The following KALRN variants were observed in gnomAD, a reference collection of about 807,000 sequenced individuals.
KALRN encodes kalirin RhoGEF kinase.
In KALRN, 70 loss-of-function variants were observed where a neutral mutation model predicts 353.7. That is an observed-to-expected ratio of 0.20 (90% confidence interval 0.16 to 0.24). The LOEUF (loss-of-function observed/expected upper bound fraction) is 0.24. KALRN is among the 10% of genes least tolerant of loss of function. The pLI, the probability that KALRN is intolerant of heterozygous loss-of-function variation, is 1.00. For synonymous variants in KALRN, 1,391 were observed against 1,434.8 expected (o/e 0.97, Z 0.69); for missense variants, 2,791 against 3,756.7 (o/e 0.74, Z 6.72).
intron 15 of KALRN, among the ~76,000 whole-genome samples, chr3:124,425,976 C>CA (rs2092998138): frequency 6.6e-6 from 1 of 152,116 alleles, no homozygotes; most frequent in Non-Finnish European, 1.5e-5. Flanking sequence ...TCTACCATGA[C>CA]AAAAATGACA....
chr3:124,221,731 G>A (rs1192057107), intron 1 of KALRN, among the ~76,000 whole-genome samples: 1 of 152,176 alleles, frequency 6.6e-6, no homozygotes, highest in Non-Finnish European at 1.5e-5. Flanking sequence ...AGATATAGTG[G>A]ATACAGGATG....
chr3:124,099,007 A>G (rs2061649619), intron 1 of KALRN, among the ~76,000 whole-genome samples: 2 of 152,322 alleles, frequency 1.3e-5, no homozygotes, highest in Non-Finnish European at 2.9e-5. Flanking sequence ...AATCGTACAT[A>G]TTTACGGGTA....
intron 28 of KALRN, among the ~76,000 whole-genome samples, chr3:124,486,252 AG>A (rs1209594954): frequency 6.7e-6 from 1 of 149,140 alleles, no homozygotes. Flanking sequence ...TGTTTTGGGC[AG>A]GGGGGGATTA....
chr3:124,300,113 G>C (rs749733020), intron 6 of KALRN, among the ~76,000 whole-genome samples: 1 of 152,120 alleles, frequency 6.6e-6, no homozygotes, highest in African/African-American at 2.4e-5. Context: ...TGTCTACCAG[G>C]CTCTTTTAAA....
intron 1 of KALRN, among the ~76,000 whole-genome samples, chr3:124,123,083 C>A (rs534469570): frequency 6.6e-6 from 1 of 152,034 alleles, no homozygotes; most frequent in East Asian, 1.9e-4. Flanking sequence ...TGCCTGTAAT[C>A]CCAGGTACTC....
At chr3:124,438,348 G>A (rs1300686399) in intron 17 of KALRN, among the ~76,000 whole-genome samples, 6 of 152,154 alleles carry the variant, frequency 3.9e-5, no homozygotes, top group Non-Finnish European at 8.8e-5. Context: ...TAGAGGTTCT[G>A]GAGATGTCAT....
chr3:124,516,807 T>G (rs1350280464), intron 33 of KALRN, among the ~76,000 whole-genome samples: 1 of 151,912 alleles, frequency 6.6e-6, no homozygotes, highest in Non-Finnish European at 1.5e-5. Flanking sequence ...TTTTTTTCTT[T>G]TTAATTATAT....
Position 124,603,112 on chromosome 3 carries a change from G to A in KALRN, c.5183-29308G>A, listed in dbSNP as rs181586798. Reference sequence around the variant, plus strand: ...TATTTGCATATGTAAACCCTCTGCCGCCAAAGCTCTTAACACAAGCATTGC... The same window carrying A: ...TATTTGCATATGTAAACCCTCTGCCACCAAAGCTCTTAACACAAGCATTGC... On this transcript the variant is annotated intron_variant, in intron 34 of 59. Coordinates refer to ENST00000682506, the MANE Select transcript of KALRN (RefSeq NM_001388419.1). 1.3e-4 allele frequency among the ~76,000 whole-genome samples: 20 copies of A among 152,152 alleles called. No homozygotes were observed. In the East Asian group the frequency reaches 1.3e-3, roughly 10 times the overall value.
chr3:124,387,691 C>G (rs72978455), intron 11 of KALRN, among the ~76,000 whole-genome samples: 86 of 152,284 alleles, frequency 5.6e-4, no homozygotes, highest in African/African-American at 2.0e-3. Context: ...TCTTTCTCCT[C>G]AGTCCCAAAA....
intron 9 of KALRN, among the ~76,000 whole-genome samples, chr3:124,342,421 T>A (rs1007222176): frequency 6.6e-6 from 1 of 152,232 alleles, no homozygotes; most frequent in African/African-American, 2.4e-5. Context: ...TTTGTCTTTC[T>A]GTACTTGACT....
chr3:124,477,668 C>T (rs1368173200), intron 27 of KALRN, among the ~76,000 whole-genome samples: 1 of 152,158 alleles, frequency 6.6e-6, no homozygotes, highest in African/African-American at 2.4e-5. Context: ...ACAGCTCTCA[C>T]AAATGTAGTG....
chr3:124,418,816 G>T (rs1434882740), intron 14 of KALRN, among the ~76,000 whole-genome samples: 1 of 152,164 alleles, frequency 6.6e-6, no homozygotes, highest in East Asian at 1.9e-4. Flanking sequence ...TTTTCCAGTG[G>T]TTCATAATCT....
chr3:124,541,121 A>G (rs1417333406), intron 33 of KALRN, among the ~76,000 whole-genome samples: 1 of 152,132 alleles, frequency 6.6e-6, no homozygotes, highest in Non-Finnish European at 1.5e-5. Context: ...AGAATTCATG[A>G]AGGTTTTTGT....
At chr3:124,484,248 G>A (rs1000564376) in intron 28 of KALRN, among the ~76,000 whole-genome samples, 1 of 152,208 alleles carries the variant, frequency 6.6e-6, no homozygotes, top group Non-Finnish European at 1.5e-5. Context: ...ACTATGAGAG[G>A]CGTGAGGGCA....
chr3:124,261,624 G>A (rs143580586), intron 3 of KALRN, among the ~76,000 whole-genome samples: 84 of 152,292 alleles, frequency 5.5e-4, no homozygotes, highest in Admixed American at 1.1e-3. Flanking sequence ...GGCATAACCT[G>A]CTACTGACCA....
At chr3:124,070,988 CT>C (rs1368837476) in intron 1 of KALRN, among the ~76,000 whole-genome samples, 1 of 20,930 alleles carries the variant, frequency 4.8e-5, no homozygotes, top group Non-Finnish European at 6.9e-4. Flanking sequence ...CTCCCTTCCA[CT>C]GTCTTTTTTT....
chr3:124,613,097 G>C (rs1196178175), intron 34 of KALRN, among the ~76,000 whole-genome samples: 1 of 152,168 alleles, frequency 6.6e-6, no homozygotes, highest in African/African-American at 2.4e-5. Flanking sequence ...CTATAGTAAA[G>C]GAAAAGTGGC....
chr3:124,465,542 G>A (rs1167180974), intron 25 of KALRN, among the ~76,000 whole-genome samples: 2 of 152,152 alleles, frequency 1.3e-5, no homozygotes, highest in Non-Finnish European at 2.9e-5. Flanking sequence ...CCATCTGGAA[G>A]AGCAAAATAA....
At chr3:124,536,888 C>T (rs2068562451) in intron 33 of KALRN, among the ~76,000 whole-genome samples, 1 of 152,124 alleles carries the variant, frequency 6.6e-6, no homozygotes, top group South Asian at 2.1e-4. Context: ...TCAATTAAAA[C>T]ACTAAAAAAG....
Sources: allele counts gnomAD v4.1 joint callset (sites outside exome capture counted in the v4.1 genomes callset), GRCh38; gene constraint gnomAD v4.1.1; transcripts MANE v1.5; gene names NCBI Gene and HGNC (gene_info 2026-07-23, HGNC 2026-07-21).